Variants in ECE1 observed in about 807,000 individuals in gnomAD.
The protein encoded by ECE1 is endothelin converting enzyme 1, also known as endothelin-converting enzyme 1.
A neutral mutation model predicts 98.6 loss-of-function variants in ECE1; 35 were observed. The ratio of observed to expected loss-of-function variants is 0.35; its 90% CI spans 0.27 to 0.47. ECE1 has a LOEUF of 0.47. Ranked by LOEUF, ECE1 falls within the 20% of genes least tolerant of loss-of-function variation. The probability of loss-of-function intolerance (pLI) is 1.00; values close to 1 mark genes in which losing one functional copy is unlikely to be tolerated. For synonymous variants in ECE1, 394 were observed against 407.1 expected (o/e 0.97, Z 0.39); for missense variants, 814 against 1,025.3 (o/e 0.79, Z 2.81).
intron 8 of ECE1, among the ~76,000 whole-genome samples, chr1:21,253,700 T>C (rs910807655): frequency 6.7e-6 from 1 of 148,956 alleles, no homozygotes; most frequent in African/African-American, 2.5e-5. Context: ...GAGGTGGAGC[T>C]TGCAGAGAGC....
chr1:21,297,518 TTTTTTCTTTTTC>T (rs1235157556), intron 1 of ECE1, among the ~76,000 whole-genome samples: 1 of 137,414 alleles, frequency 7.3e-6, no homozygotes, highest in African/African-American at 3.0e-5. Context: ...CAGAACTTTC[TTTTTTCTTTTTC>T]TTTTTTTTTT....
chr1:21,315,570 GAT>G (rs1197015332), intron 1 of ECE1, among the ~76,000 whole-genome samples: 1 of 152,166 alleles, frequency 6.6e-6, no homozygotes, highest in Non-Finnish European at 1.5e-5. Context: ...AAGGCAGGCA[GAT>G]CACTTGAGGT....
chr1:21,220,754 C>A lies in ECE1; in HGVS notation c.2137-623G>T, dbSNP rs1236555329. ...GAGGTTGCAGTGAGCCAAGATCACA[C>A]CATTGCACTCCAGGCCGGGTGACTG... On this transcript the variant is annotated intron_variant, in intron 18 of 18. Coordinates refer to ENST00000374893, the MANE Select transcript of ECE1 (RefSeq NM_001397.3). The surrounding 1 kb of genome is among the most constrained non-coding windows in gnomAD (Gnocchi z 5.0). Among the ~76,000 whole-genome samples, 1 of 152,118 alleles carries A rather than the reference C, an allele frequency of 6.6e-6. No individual in the cohort carries two copies. The highest frequency in any genetic ancestry group is 2.4e-5 in the African/African-American group (1 of 41,432).
chr1:21,268,048 A>G (rs1013606849), intron 4 of ECE1, among the ~76,000 whole-genome samples: 4 of 152,208 alleles, frequency 2.6e-5, no homozygotes, highest in African/African-American at 9.6e-5. Flanking sequence ...CGTTCATCTT[A>G]CAGTATAAAA....
rs1356645657 is a variant in ECE1, at chr1:21,327,631, T to C, written c.3+17745A>G. Among the ~76,000 whole-genome samples, 1 of 152,100 alleles carries C rather than the reference T, an allele frequency of 6.6e-6. No individual in the cohort carries two copies. Among genetic ancestry groups the C allele is most frequent in the East Asian group, 1.9e-4 (1 of 5,164 alleles). On this transcript the variant is annotated intron_variant, in intron 1 of 18. Transcript: ENST00000415912. This position sits in a 1 kb window ranked among gnomAD's most constrained non-coding sequence, Gnocchi z 4.6. ...TGGAGTCTTTTGGTATAGAGGAAAA[T>C]AAAGCCTCACCTGGTCTGCACGGCC...
chr1:21,263,558 T>C (rs374205725), intron 4 of ECE1, among the ~76,000 whole-genome samples: 1 of 152,158 alleles, frequency 6.6e-6, no homozygotes, highest in African/African-American at 2.4e-5. Context: ...GGTTTCACCA[T>C]GTTGGCCAGG....
At chr1:21,333,340 G>A (rs1251064447) in intron 1 of ECE1, among the ~76,000 whole-genome samples, 2 of 151,826 alleles carry the variant, frequency 1.3e-5, no homozygotes, top group Non-Finnish European at 2.9e-5. Flanking sequence ...GCCGTGGGGG[G>A]GGCGGGGGGG....
intron 4 of ECE1, among the ~76,000 whole-genome samples, chr1:21,268,732 C>T (rs187555437): frequency 4.2e-4 from 64 of 152,310 alleles, no homozygotes; most frequent in African/African-American, 1.3e-3. Flanking sequence ...TCCCTTCCGA[C>T]GCCTGTTGGC....
rs1186615096 is a variant in ECE1, at chr1:21,247,366, G to A, written c.1021-3C>T. ...CAGTTGATGGCGGGTGCCAAGGTCT[G>A]CAAGGGAAAAGGACAGTGTGACCCT... On this transcript the variant is annotated splice_region_variant and splice_polypyrimidine_tract_variant and intron_variant, in intron 8 of 18. Coordinates refer to ENST00000374893, the MANE Select transcript of ECE1 (RefSeq NM_001397.3). 1 of 1,614,216 alleles carries A rather than the reference G, an allele frequency of 6.2e-7. No individual in the cohort carries two copies. Among genetic ancestry groups the A allele is most frequent in the South Asian group, 1.1e-5 (1 of 91,086 alleles).
rs952354379 is a variant in ECE1, at chr1:21,218,851, A to C, written c.*1104T>G. On this transcript the variant is annotated 3_prime_UTR_variant, in exon 19 of 19. Coordinates refer to ENST00000374893, the MANE Select transcript of ECE1 (RefSeq NM_001397.3). The surrounding 1 kb of genome is among the most constrained non-coding windows in gnomAD (Gnocchi z 4.0). ...GGTGATCCGCCCACCTCAACCTCCC[A>C]AAGTGCTGGGATTACAGGAGTGAGC... is the stretch of plus-strand genomic sequence containing the variant. 1 of 152,052 alleles carries C rather than the reference A, an allele frequency of 6.6e-6. No homozygotes were observed. The highest frequency in any genetic ancestry group is 1.5e-5 in the Non-Finnish European group (1 of 68,074). The allele number at this position is 152,052 out of a possible 1,614,324, so 9.4% of individuals were successfully genotyped here.
intron 8 of ECE1, among the ~76,000 whole-genome samples, chr1:21,249,467 G>C (rs761598401): frequency 4.2e-4 from 64 of 151,382 alleles, no homozygotes; most frequent in Non-Finnish European, 8.0e-4. Context: ...AGACTGAGGT[G>C]GGCAGATCGC....
In ECE1 at chr1:21,220,210, G is replaced by A. The variant is rs1308765851; in HGVS notation, c.2137-79C>T. The A allele has an allele frequency of 2.0e-6, 3 of 1,501,850 alleles. No homozygotes were observed. The highest frequency in any genetic ancestry group is 1.8e-6 in the Non-Finnish European group (2 of 1,112,688). The allele number at this position is 1,501,850 out of a possible 1,614,324, so 93.0% of individuals were successfully genotyped here. A position where few individuals can be genotyped will look rare whatever the true frequency, so the allele number is the denominator to read the frequency against. ...CAGACTGCCCCCATTATAACAGCAGGGGAGGCCAGGTGCGGTGGCTCACAC... is the reference window on the plus strand; with the variant it reads ...CAGACTGCCCCCATTATAACAGCAGAGGAGGCCAGGTGCGGTGGCTCACAC... On this transcript the variant is annotated intron_variant, in intron 18 of 18. Coordinates refer to ENST00000374893, the MANE Select transcript of ECE1 (RefSeq NM_001397.3). The surrounding 1 kb of genome is among the most constrained non-coding windows in gnomAD (Gnocchi z 5.0).
chr1:21,320,141 C>G (rs1638930700), intron 1 of ECE1, among the ~76,000 whole-genome samples: 1 of 152,230 alleles, frequency 6.6e-6, no homozygotes, highest in African/African-American at 2.4e-5. Context: ...GCAGGTTGGA[C>G]AAGCTCATTC....
chr1:21,303,915 T>C (rs772096527), intron 1 of ECE1, among the ~76,000 whole-genome samples: 1 of 151,730 alleles, frequency 6.6e-6, no homozygotes, highest in Non-Finnish European at 1.5e-5. Flanking sequence ...CCTCCCAAAG[T>C]GTTGGGATTA....
chr1:21,303,201 A>G (rs1168654791), intron 1 of ECE1, among the ~76,000 whole-genome samples: 1 of 152,000 alleles, frequency 6.6e-6, no homozygotes, highest in Non-Finnish European at 1.5e-5. Flanking sequence ...GGGCCGTGGT[A>G]CTCTCTCCTC....
Position 21,337,777 on chromosome 1 carries a change from G to C in ECE1, c.3+7599C>G, listed in dbSNP as rs1009008899. Among the ~76,000 whole-genome samples, 3 of 152,192 alleles carry C rather than the reference G, an allele frequency of 2.0e-5. No individual in the cohort carries two copies. In the East Asian group the frequency reaches 5.8e-4, roughly 29 times the overall value. The stretch of plus-strand genomic sequence containing the variant: ...TAGAGACAGGAGAATAAAGCTTAGA[G>C]AGGTGACACGCTGTCCAAGGTGACA... On this transcript the variant is annotated intron_variant, in intron 1 of 18. Transcript: ENST00000415912.
At chr1:21,292,100 G>A (rs2098267088), upstream of ECE1, among the ~76,000 whole-genome samples, 1 of 151,942 alleles carries the variant, frequency 6.6e-6, no homozygotes, top group Admixed American at 6.6e-5. Context: ...CGGCTACAGT[G>A]AGCTGTGATT....
chr1:21,222,150 CAG>C, intron 17 of ECE1: 1 of 431,888 alleles, frequency 2.3e-6, no homozygotes, highest in Non-Finnish European at 4.3e-6. Flanking sequence ...ATGGTATAAA[CAG>C]AGCCACATCG....
chr1:21,336,956 G>C (rs1353824590), intron 1 of ECE1, among the ~76,000 whole-genome samples: 1 of 152,142 alleles, frequency 6.6e-6, no homozygotes, highest in South Asian at 2.1e-4. Context: ...AGAATCGCTT[G>C]AACCCAGGAG....
Sources: gnomAD v4.1 joint callset for allele counts (sites outside exome capture counted in the v4.1 genomes callset) on GRCh38, gnomAD v4.1.1 for gene constraint, Gnocchi (gnomAD v3.1) non-coding constraint, MANE v1.5 for transcripts, NCBI Gene and HGNC (gene_info 2026-07-23, HGNC 2026-07-21) for gene names.